Variants in PDE4D observed in about 807,000 individuals in gnomAD.
PDE4D encodes the protein phosphodiesterase 4D.
A neutral mutation model predicts 87.4 loss-of-function variants in PDE4D; 24 were observed. The observed-to-expected ratio is 0.27, with a 90% CI of 0.20 to 0.39. The LOEUF (loss-of-function observed/expected upper bound fraction) is 0.39, where lower values mean the gene tolerates loss of function less well. Ranked by LOEUF, PDE4D falls within the 10% of genes least tolerant of loss-of-function variation. PDE4D has a pLI of 1.00. For missense variants in PDE4D, 714 were observed against 1,041.0 expected, an observed-to-expected ratio of 0.69 and a Z score of 4.32; for synonymous variants, 384 against 383.2, an observed-to-expected ratio of 1.00 and a Z score of -0.02.
At chr5:59,279,650 A>G (rs1165218988) in intron 1 of PDE4D, among the ~76,000 whole-genome samples, 1 of 152,108 alleles carries the variant, frequency 6.6e-6, no homozygotes, top group Non-Finnish European at 1.5e-5. Flanking sequence ...TACTTTCTTA[A>G]TTATACATCA....
At position 58,987,070 on chromosome 5, in the gene PDE4D, A is replaced by G. The variant is rs554180165; in HGVS notation, c.1552+1423T>C. ...ATCTCAAGACATTCATAAGCATCAA[A>G]ATAAATCAGGCCAGGCTCATGTAAA... On this transcript the variant is annotated intron_variant, in intron 11 of 14. Transcript: ENST00000340635. Among the ~76,000 whole-genome samples the G allele has an allele frequency of 8.5e-5, 13 of 152,288 alleles. No individual in the cohort carries two copies. The South Asian group carries it at 2.7e-3, about 32-fold the overall frequency.
At chr5:59,040,010 A>T (rs1231967238) in intron 5 of PDE4D, 2 of 152,502 alleles carry the variant, frequency 1.3e-5, no homozygotes, top group Non-Finnish European at 1.5e-5. Context: ...CAGGTTGCCC[A>T]GACCGCTGGA....
intron 1 of PDE4D, among the ~76,000 whole-genome samples, chr5:59,720,906 G>A (rs1755733274): frequency 6.6e-6 from 1 of 152,120 alleles, no homozygotes; most frequent in South Asian, 2.1e-4. Flanking sequence ...TTATTTGCTT[G>A]ATAAGAATCA....
intron 1 of PDE4D, among the ~76,000 whole-genome samples, chr5:59,890,455 A>T (rs2152753350): frequency 6.6e-6 from 1 of 152,380 alleles, no homozygotes; most frequent in East Asian, 1.9e-4. Context: ...ACCAGTTTAT[A>T]CTGCCCAGAG....
At chr5:59,035,552 A>G (rs1238096382) in intron 6 of PDE4D, among the ~76,000 whole-genome samples, 2 of 152,198 alleles carry the variant, frequency 1.3e-5, no homozygotes, top group African/African-American at 4.8e-5. Flanking sequence ...AGCAATAACA[A>G]CAGATACAGT....
At chr5:59,527,542 G>A (rs1813382980) in intron 1 of PDE4D, among the ~76,000 whole-genome samples, 1 of 152,110 alleles carries the variant, frequency 6.6e-6, no homozygotes, top group South Asian at 2.1e-4. Context: ...AGCCTTCACT[G>A]CAAAGTAAAA....
At chr5:59,970,094 C>T (rs1328500618) in intron 3 of PDE4D, among the ~76,000 whole-genome samples, 3 of 152,080 alleles carry the variant, frequency 2.0e-5, no homozygotes, top group African/African-American at 2.4e-5. Context: ...TCAGGAACAA[C>T]GCTGATAAAT....
At chr5:60,269,061 T>G (rs1004801303) in intron 1 of PDE4D, among the ~76,000 whole-genome samples, 1 of 152,204 alleles carries the variant, frequency 6.6e-6, no homozygotes, top group African/African-American at 2.4e-5. Context: ...TCCAGCACTT[T>G]GGGAGGCCGA....
chr5:60,471,216 G>T (rs1243031944), intron 1 of PDE4D, among the ~76,000 whole-genome samples: 2 of 152,270 alleles, frequency 1.3e-5, no homozygotes, highest in African/African-American at 2.4e-5. Flanking sequence ...AATAGCAAGA[G>T]AACTAGAATT....
At chr5:59,771,132 A>AAAATAAATAAATAAATAAATAAATAAAT (rs201697322) in intron 1 of PDE4D, among the ~76,000 whole-genome samples, 1 of 143,152 alleles carries the variant, frequency 7.0e-6, no homozygotes, top group African/African-American at 2.6e-5. Context: ...ACCCAGCCTC[A>AAAATAAATAAATAAATAAATAAATAAAT]AAATAAATAA....
intron 1 of PDE4D, among the ~76,000 whole-genome samples, chr5:59,405,136 T>C (rs2153616156): frequency 6.6e-6 from 1 of 152,332 alleles, no homozygotes; most frequent in South Asian, 2.1e-4. Context: ...GGTATTTTGA[T>C]AGAGATTGCA....
intron 1 of PDE4D, among the ~76,000 whole-genome samples, chr5:59,729,747 T>C (rs1489265170): frequency 2.0e-5 from 3 of 152,080 alleles, no homozygotes; most frequent in Non-Finnish European, 4.4e-5. Context: ...TGTATATACA[T>C]CTTAATCTTT....
At chr5:59,846,061 G>T (rs1449090272) in intron 1 of PDE4D, among the ~76,000 whole-genome samples, 2 of 151,938 alleles carry the variant, frequency 1.3e-5, no homozygotes. Context: ...TAAAGATAGG[G>T]GTTAAAATAA....
chr5:59,393,945 C>T (rs1788763763), intron 1 of PDE4D, among the ~76,000 whole-genome samples: 1 of 152,156 alleles, frequency 6.6e-6, no homozygotes, highest in South Asian at 2.1e-4. Flanking sequence ...AAAACAAGTT[C>T]ATTCTATAAG....
At chr5:59,424,954 T>C (rs1794990899) in intron 1 of PDE4D, among the ~76,000 whole-genome samples, 1 of 152,228 alleles carries the variant, frequency 6.6e-6, no homozygotes, top group Non-Finnish European at 1.5e-5. Context: ...TCACCACTAC[T>C]TGAAAAGCAT....
chr5:59,087,052 C>A (rs1390174909), intron 5 of PDE4D, among the ~76,000 whole-genome samples: 1 of 152,094 alleles, frequency 6.6e-6, no homozygotes, highest in African/African-American at 2.4e-5. Flanking sequence ...TATGAGAAAT[C>A]ACTGTAGCTA....
intron 1 of PDE4D, among the ~76,000 whole-genome samples, chr5:59,261,997 G>T (rs1187876977): frequency 2.6e-5 from 4 of 151,844 alleles, no homozygotes; most frequent in Non-Finnish European, 4.4e-5. Flanking sequence ...AAGTAGGGAG[G>T]TTTTAAAATT....
At chr5:59,374,531 A>G (rs111653669) in intron 1 of PDE4D, among the ~76,000 whole-genome samples, 3,061 of 152,284 alleles carry the variant, frequency 0.02, 113 homozygotes, top group African/African-American at 0.07. Context: ...TCATAAAGCA[A>G]GTTCTTAGAG....
At chr5:60,045,092 G>A (rs945330451) in intron 2 of PDE4D, among the ~76,000 whole-genome samples, 3 of 152,096 alleles carry the variant, frequency 2.0e-5, no homozygotes, top group Non-Finnish European at 4.4e-5. Flanking sequence ...TTGTGGTTTT[G>A]ATTTGCATTT....
Sources: gnomAD v4.1 joint callset for allele counts (sites outside exome capture counted in the v4.1 genomes callset) on GRCh38, gnomAD v4.1.1 for gene constraint, MANE v1.5 for transcripts, NCBI Gene and HGNC (gene_info 2026-07-23, HGNC 2026-07-21) for gene names.